The following CASC3 variants were observed in gnomAD, a reference collection of about 807,000 sequenced individuals.
CASC3 encodes the protein CASC3 exon junction complex subunit, also known as protein CASC3.
Under a neutral mutation model 80.5 loss-of-function variants are expected in CASC3, and 30 were observed. The ratio of observed to expected loss-of-function variants is 0.37; its 90% CI spans 0.28 to 0.51. CASC3 has a LOEUF of 0.51. CASC3 is among the 20% of genes least tolerant of loss of function. CASC3 has a pLI of 0.94. For synonymous variants in CASC3, 312 were observed against 333.6 expected, an observed-to-expected ratio of 0.94 and a Z score of 0.70; for missense variants, 824 against 922.2, an observed-to-expected ratio of 0.89 and a Z score of 1.38.
intron 1 of CASC3, 195 bp from the exon 2 acceptor site, chr17:40,141,011 TG>T: frequency 1.6e-6 from 1 of 636,590 alleles, no homozygotes; most frequent in Non-Finnish European, 2.7e-6. Flanking sequence ...GGAAAGCGGA[TG>T]TTTTATTCAG....
intron 3 of CASC3, among the ~76,000 whole-genome samples, chr17:40,146,641 T>A (rs557626049): frequency 1.3e-5 from 2 of 151,268 alleles, no homozygotes; most frequent in African/African-American, 4.8e-5. Flanking sequence ...GGTTTCATCA[T>A]GTTGGACAGG....
At chr17:40,142,220 A>G (rs944713140) in intron 3 of CASC3, among the ~76,000 whole-genome samples, 3 of 152,228 alleles carry the variant, frequency 2.0e-5, no homozygotes, top group African/African-American at 7.2e-5. Context: ...AACTGTTACT[A>G]CATTTTAGAA....
chr17:40,140,691 T>C lies in CASC3; in HGVS notation c.143T>C (p.Leu48Pro). Residue 48 changes from leucine (L) to proline (P), a missense_variant, in exon 1 of 14, where the codon CTG (leucine) becomes CCG (proline). This residue lies in a region of CASC3 where 159 missense variants were observed against 122.2 expected (regional missense o/e 1.30). Transcript: ENST00000264645. ...GSAGGGGSGS[L>P]PSQRGGRTGA... ...GCCGGAGGCGGCGGCAGCGGCTCTC[T>C]GCCTTCACAGCGCGGAGGCCGAACC... 3 of 1,592,890 alleles carry C rather than the reference T, an allele frequency of 1.9e-6. No homozygotes were observed. The highest frequency in any genetic ancestry group is 2.6e-6 in the Non-Finnish European group (3 of 1,171,534).
chr17:40,141,495 T>C, intron 2 of CASC3, 75 bp from the exon 3 acceptor site: 1 of 1,224,138 alleles, frequency 8.2e-7, no homozygotes, highest in Non-Finnish European at 1.2e-6. Context: ...ATGAGACTCT[T>C]AGTCTGACCT....
intron 1 of CASC3, 182 bp from the exon 2 acceptor site, chr17:40,141,025 G>A: frequency 1.5e-6 from 1 of 651,916 alleles, no homozygotes. Context: ...TTATTCAGAA[G>A]TCGGGGCTGG....
intron 6 of CASC3, 91 bp from the exon 7 acceptor site, chr17:40,163,390 C>T (rs1989356788): frequency 1.9e-6 from 2 of 1,080,210 alleles, no homozygotes; most frequent in African/African-American, 3.2e-5. Context: ...CCGTCTCGAT[C>T]TCCCAAAGTG....
At chr17:40,161,935 A>G (rs1322938065) in intron 4 of CASC3, 24 bp downstream of exon 4, 3 of 1,613,416 alleles carry the variant, frequency 1.9e-6, no homozygotes, top group African/African-American at 1.3e-5. Context: ...ACAGTCCTCC[A>G]TTTTAGAGGC....
rs1231446253 is a variant in CASC3, at chr17:40,161,742, A to G, written c.298-11A>G. The G allele has an allele frequency of 6.2e-7, 1 of 1,613,368 alleles. No individual in the cohort carries two copies. Among genetic ancestry groups the G allele is most frequent in the East Asian group, 2.2e-5 (1 of 44,878 alleles). On this transcript the variant is annotated splice_polypyrimidine_tract_variant and intron_variant, in intron 3 of 13. Transcript: ENST00000264645. The stretch of plus-strand genomic sequence containing the variant: ...TCTTATATGCATCGCTGACAGGGAA[A>G]CTTTTTTCAGGGTGAAGAAGGTGAA...
At chr17:40,144,982 T>C (rs1598419996) in intron 3 of CASC3, among the ~76,000 whole-genome samples, 1 of 151,040 alleles carries the variant, frequency 6.6e-6, no homozygotes, top group East Asian at 2.0e-4. Context: ...TGCCTCAGCC[T>C]CCCGAGTAGC....
In CASC3 at chr17:40,169,787, A is replaced by G. The variant is rs1989551052; in HGVS notation, c.*41+125A>G. On this transcript the variant is annotated intron_variant, in intron 13 of 13. Transcript: ENST00000264645. The stretch of plus-strand genomic sequence containing the variant: ...TTTTTTTTTTTTGAGACGGCGTCTC[A>G]GTCTGTTATCCAGGCTGGAGTGCAG... The G allele has an allele frequency of 6.0e-6, 3 of 501,780 alleles. 1 individual carries two copies. The Admixed American group carries it at 1.9e-4, about 32-fold the overall frequency. 31.1% of individuals were successfully genotyped at this position (501,780 alleles called of 1,614,324 possible).
At chr17:40,168,164 G>A (rs1338544010) in intron 10 of CASC3, 39 bp from the exon 11 acceptor site, 1 of 1,564,076 alleles carries the variant, frequency 6.4e-7, no homozygotes, top group African/African-American at 1.4e-5. Context: ...TGAAAATGAT[G>A]TTACTTTATT....
At chr17:40,168,791 T>C (rs560754444) in intron 11 of CASC3, 4 of 267,198 alleles carry the variant, frequency 1.5e-5, no homozygotes, top group East Asian at 2.2e-4. Context: ...CGTTTCACCA[T>C]GTTGGCCAAG....
At chr17:40,165,844 C>CA (rs1212906758) in intron 7 of CASC3, among the ~76,000 whole-genome samples, 1 of 151,060 alleles carries the variant, frequency 6.6e-6, no homozygotes, top group East Asian at 2.0e-4. Flanking sequence ...TGGCTCACTG[C>CA]AACCTCCGCC....
rs887188563 is a variant in CASC3 at position 40,140,887 on chromosome 17, T to A, written c.231+108T>A. 8 of 897,538 alleles carry A rather than the reference T, an allele frequency of 8.9e-6. No individual in the cohort carries two copies. The African/African-American group carries it at 1.4e-4, about 15-fold the overall frequency. The allele number at this position is 897,538 out of a possible 1,614,324, so 55.6% of individuals were successfully genotyped here. A position where few individuals can be genotyped will look rare whatever the true frequency, so the allele number is the denominator to read the frequency against. On this transcript the variant is annotated intron_variant, in intron 1 of 13. Coordinates refer to ENST00000264645, the MANE Select transcript of CASC3 (RefSeq NM_007359.5). ...TGAGTTGATAGTAGATACTGGGACT[T>A]TTTTTTGTTTTTGAGAGAAAAGGGG...
At position 40,141,193 on chromosome 17, in the gene CASC3, C is replaced by G; in HGVS notation, c.232-14C>G. 2 of 1,613,330 alleles carry G rather than the reference C, an allele frequency of 1.2e-6. No individual in the cohort carries two copies. The highest frequency in any genetic ancestry group is 1.7e-6 in the Non-Finnish European group (2 of 1,179,296). ...AAATCACAGAACTAACCCATGTCTT[C>G]TGCTTTCTTTCAGGAGAGTGAAGAT... On this transcript the variant is annotated splice_polypyrimidine_tract_variant and intron_variant, in intron 1 of 13. Coordinates refer to ENST00000264645, the MANE Select transcript of CASC3 (RefSeq NM_007359.5).
At chr17:40,167,699 C>G in intron 9 of CASC3, 87 bp downstream of exon 9, 1 of 1,269,256 alleles carries the variant, frequency 7.9e-7, no homozygotes, top group Non-Finnish European at 1.1e-6. Flanking sequence ...AATTTCTCTT[C>G]TGACCTCTTA....
intron 2 of CASC3, 52 bp downstream of exon 2, chr17:40,141,286 T>A: frequency 1.3e-6 from 2 of 1,517,984 alleles, no homozygotes; most frequent in Non-Finnish European, 1.8e-6. Context: ...TAACATAAAC[T>A]CAGGTCATCT....
intron 3 of CASC3, among the ~76,000 whole-genome samples, chr17:40,158,006 G>A (rs1232354321): frequency 6.6e-6 from 1 of 152,096 alleles, no homozygotes; most frequent in Non-Finnish European, 1.5e-5. Context: ...TTGCTGCCTT[G>A]GGTGACAGAG....
chr17:40,143,820 C>CAGGGCCAGTGCCTGGCCTCTTTTTTATT (rs1555549333), intron 3 of CASC3, among the ~76,000 whole-genome samples: 1 of 151,540 alleles, frequency 6.6e-6, no homozygotes, highest in Non-Finnish European at 1.5e-5. Flanking sequence ...CAGGGCAAGA[C>CAGGGCCAGTGCCTGGCCTCTTTTTTATT]TCCATCTCAA....
Sources: allele counts gnomAD v4.1 joint callset (sites outside exome capture counted in the v4.1 genomes callset), GRCh38; gene constraint gnomAD v4.1.1; regional missense constraint gnomAD v4.1.1; transcripts MANE v1.5; gene names NCBI Gene and HGNC (gene_info 2026-07-23, HGNC 2026-07-21).